HEG1: variants seen among roughly 807,000 people sequenced by gnomAD.
HEG1 encodes the protein heart development protein with EGF like domains 1.
HEG1 carries 56 observed loss-of-function variants against 125.6 expected under a neutral mutation model. That is an observed-to-expected ratio of 0.45 (90% confidence interval 0.36 to 0.56). The LOEUF is 0.56. Among genes scored for constraint, HEG1 ranks in the 20% least tolerant of loss-of-function variants. The pLI is 0.00. For missense variants in HEG1, 1,523 were observed against 1,670.0 expected (o/e 0.91, Z 1.53); for synonymous variants, 644 against 668.5 (o/e 0.96, Z 0.57).
At chr3:125,051,370 T>C (rs551979227) in intron 1 of HEG1, among the ~76,000 whole-genome samples, 1 of 152,188 alleles carries the variant, frequency 6.6e-6, no homozygotes, top group African/African-American at 2.4e-5. Context: ...GAGAGGATCT[T>C]AGAGATCTAG....
intron 15 of HEG1, among the ~76,000 whole-genome samples, chr3:124,975,736 T>G (rs567197138): frequency 6.6e-6 from 1 of 152,344 alleles, no homozygotes; most frequent in African/African-American, 2.4e-5. Context: ...CCAACTCTAT[T>G]AGATTTGCCT....
chr3:124,972,857 G>A (rs987612408), intron 16 of HEG1, among the ~76,000 whole-genome samples: 4 of 152,126 alleles, frequency 2.6e-5, no homozygotes, highest in African/African-American at 7.2e-5. Flanking sequence ...TCCAAATGAT[G>A]CAGTCCAGGC....
intron 3 of HEG1, among the ~76,000 whole-genome samples, chr3:125,024,044 C>T (rs1469363376): frequency 1.3e-5 from 2 of 152,184 alleles, no homozygotes; most frequent in African/African-American, 2.4e-5. Context: ...AAAGTGAAAT[C>T]ACCACAAAGC....
intron 1 of HEG1, among the ~76,000 whole-genome samples, chr3:125,031,888 T>C (rs1359807650): frequency 6.6e-6 from 1 of 152,178 alleles, no homozygotes; most frequent in Non-Finnish European, 1.5e-5. Flanking sequence ...GCCTAAGAGA[T>C]ACTGAGTCAC....
In HEG1 at chr3:124,966,523, A is replaced by C. The variant is rs1936316968; in HGVS notation, c.*4129T>G. On this transcript the variant is annotated 3_prime_UTR_variant, in exon 17 of 17. Transcript: ENST00000311127. The stretch of plus-strand genomic sequence containing the variant: ...TTCCAAAAACACACATGAGAACCTC[A>C]GAATGACACTTTGTTAAGGGAGGAA... 1 of 152,250 alleles carries C rather than the reference A, an allele frequency of 6.6e-6. No individual in the cohort carries two copies. The highest frequency in any genetic ancestry group is 2.4e-5 in the African/African-American group (1 of 41,474). 9.4% of individuals were successfully genotyped at this position (152,250 alleles called of 1,614,324 possible). A position where few individuals can be genotyped will look rare whatever the true frequency, so the allele number is the denominator to read the frequency against.
At chr3:125,036,849 A>G (rs778913154) in intron 1 of HEG1, among the ~76,000 whole-genome samples, 7 of 152,244 alleles carry the variant, frequency 4.6e-5, no homozygotes, top group Non-Finnish European at 8.8e-5. Context: ...CGATATTGGT[A>G]AAAATACAAT....
chr3:124,978,639 TTC>T (rs1936591117), intron 14 of HEG1, among the ~76,000 whole-genome samples: 2 of 152,136 alleles, frequency 1.3e-5, no homozygotes, highest in South Asian at 4.1e-4. Context: ...CTTTCTACTT[TTC>T]TCTGTCACTT....
chr3:125,006,710 T>A (rs1474189543), intron 8 of HEG1, among the ~76,000 whole-genome samples: 1 of 152,204 alleles, frequency 6.6e-6, no homozygotes, highest in African/African-American at 2.4e-5. Flanking sequence ...AATTTGCATG[T>A]TCCTCTGATG....
chr3:125,042,502 C>T (rs1468710396), intron 1 of HEG1, among the ~76,000 whole-genome samples: 6 of 152,190 alleles, frequency 3.9e-5, no homozygotes, highest in Non-Finnish European at 5.9e-5. Context: ...GAGGGTTACA[C>T]GGATGAATCA....
In HEG1 at chr3:125,010,666, T is replaced by C. The variant is rs148365801; in HGVS notation, c.2957-111A>G. 3.9e-4 allele frequency: 294 copies of C among 750,438 alleles called. 1 individual carries two copies. The highest frequency in any genetic ancestry group is 3.4e-3 in the African/African-American group (196 of 57,012). 46.5% of individuals were successfully genotyped at this position (750,438 alleles called of 1,614,324 possible). A position where few individuals can be genotyped will look rare whatever the true frequency, so the allele number is the denominator to read the frequency against. ...ATATTTGATTCTTGCTTATTTCTGT[T>C]TACTTGCCCTGAAAGGCCACATTAC... On this transcript the variant is annotated intron_variant, in intron 6 of 16. Transcript: ENST00000311127.
At chr3:125,045,197 C>T (rs1301444179) in intron 1 of HEG1, among the ~76,000 whole-genome samples, 2 of 152,160 alleles carry the variant, frequency 1.3e-5, no homozygotes, top group Non-Finnish European at 2.9e-5. Flanking sequence ...TGGCAGATGG[C>T]TGAAGGCACA....
At chr3:125,038,474 T>C (rs1574733) in intron 1 of HEG1, among the ~76,000 whole-genome samples, 128,582 of 152,228 alleles carry the variant, frequency 0.84, 54,343 homozygotes, top group Middle Eastern at 0.88. Flanking sequence ...ATAAACCACA[T>C]AGCTGGAGCA....
intron 1 of HEG1, among the ~76,000 whole-genome samples, chr3:125,032,154 T>C (rs1209558684): frequency 6.6e-6 from 1 of 152,162 alleles, no homozygotes; most frequent in Non-Finnish European, 1.5e-5. Context: ...GGTGGCTGCG[T>C]CAACCACACG....
chr3:124,987,952 C>CACACACACACACATATATATATATAT, intron 14 of HEG1, among the ~76,000 whole-genome samples: 7 of 54,700 alleles, frequency 1.3e-4, no homozygotes, highest in African/African-American at 3.3e-4. Flanking sequence ...CACACACACA[C>CACACACACACACATATATATATATAT]ATATATATAT....
At chr3:124,971,167 ACT>A (rs765748034) in intron 16 of HEG1, 61 of 469,422 alleles carry the variant, frequency 1.3e-4, no homozygotes, top group Middle Eastern at 6.3e-4. Context: ...AAGAGGGGCT[ACT>A]TTGAGGAGGC....
rs183353693 is a variant in HEG1, at chr3:124,977,478, T to A, written c.3821+381A>T. Among the ~76,000 whole-genome samples, 173 of 152,326 alleles carry A rather than the reference T, an allele frequency of 1.1e-3. 1 individual carries two copies. Among genetic ancestry groups the A allele is most frequent in the African/African-American group, 4.1e-3 (170 of 41,582 alleles). On this transcript the variant is annotated intron_variant, in intron 15 of 16. Transcript: ENST00000311127. ...TATATTCTAGATACAAGTCCCTTAT[T>A]AGACACATAATTTGCAAGTATTTTC...
At position 125,013,917 on chromosome 3, in the gene HEG1, G is replaced by A. The variant is rs756702526; in HGVS notation, c.1662C>T (p.His554=). The A allele has an allele frequency of 1.9e-6, 3 of 1,613,818 alleles. No homozygotes were observed. The highest frequency in any genetic ancestry group is 2.2e-5 in the South Asian group (2 of 91,036). Residue 554 remains histidine (H), a synonymous_variant, in exon 6 of 17, where the codon CAC becomes CAT. Transcript: ENST00000311127. ...EQRTSSDHTD[H]TYLSSTFTKG... ...TGGTGAAAGTAGATGACAGGTAGGT[G>A]TGGTCTGTGTGGTCGCTGGAAGTCC... is the stretch of plus-strand genomic sequence containing the variant.
chr3:125,010,309 C>G, intron 7 of HEG1, 130 bp downstream of exon 7: 2 of 600,816 alleles, frequency 3.3e-6, no homozygotes, highest in Non-Finnish European at 5.9e-6. Context: ...TACAAACATG[C>G]TGACTCTCAA....
Position 124,970,559 on chromosome 3 carries a change from C to T in HEG1, c.*93G>A, listed in dbSNP as rs115858188. 3,481 of 1,226,392 alleles carry T rather than the reference C, an allele frequency of 2.8e-3. 76 individuals carry two copies. In the African/African-American group the frequency reaches 0.046, roughly 16 times the overall value. 76.0% of individuals were successfully genotyped at this position (1,226,392 alleles called of 1,614,324 possible). A position where few individuals can be genotyped will look rare whatever the true frequency, so the allele number is the denominator to read the frequency against. ...CCTGCTTGCCACTCAGCGTGGCTCC[C>T]GACAAATCCTGGGCGCAGCCTCCTG... On this transcript the variant is annotated 3_prime_UTR_variant, in exon 17 of 17. Coordinates refer to ENST00000311127, the MANE Select transcript of HEG1 (RefSeq NM_020733.2).
Sources: allele counts gnomAD v4.1 joint callset (sites outside exome capture counted in the v4.1 genomes callset), GRCh38; gene constraint gnomAD v4.1.1; transcripts MANE v1.5; gene names NCBI Gene and HGNC (gene_info 2026-07-23, HGNC 2026-07-21).